EVC: variants seen among roughly 807,000 people sequenced by gnomAD.
EVC encodes EvC ciliary complex subunit 1.
EVC carries 116 observed loss-of-function variants against 118.9 expected under a neutral mutation model. That is an observed-to-expected ratio of 0.98 (90% CI 0.84 to 1.14). The LOEUF (loss-of-function observed/expected upper bound fraction) is 1.14. EVC is among the 50% of genes most tolerant of loss of function. EVC has a pLI of 0.00. For missense variants in EVC, 1,401 were observed against 1,246.4 expected, an observed-to-expected ratio of 1.12 and a Z score of -1.87; for synonymous variants, 619 against 534.7, an observed-to-expected ratio of 1.16 and a Z score of -2.18.
the EVC span, chr4:5,825,682 T>A: frequency 6.2e-7 from 1 of 1,610,646 alleles, no homozygotes; most frequent in Non-Finnish European, 8.5e-7. The surrounding 1 kb of genome is among the most constrained non-coding windows in gnomAD (Gnocchi z 4.4). Flanking sequence ...AGGGAGAGTG[T>A]GATTGATCGA....
intron 11 of EVC, among the ~76,000 whole-genome samples, chr4:5,762,360 A>G (rs566539028): frequency 0.02 from 2,841 of 138,678 alleles, 38 homozygotes; most frequent in Middle Eastern, 0.062. Context: ...CGCAATAAAC[A>G]TACGTGTGCA....
At chr4:5,715,854 C>T (rs1412985376) in intron 1 of EVC, among the ~76,000 whole-genome samples, 8 of 147,688 alleles carry the variant, frequency 5.4e-5, no homozygotes, top group African/African-American at 2.0e-4. Flanking sequence ...AGCAATTCTT[C>T]TGCCTCAGCC....
At chr4:5,802,883 CAGGGGTTGGGGATCCCTGATCT>C (rs1715259976) in intron 16 of EVC, among the ~76,000 whole-genome samples, 1 of 152,126 alleles carries the variant, frequency 6.6e-6, no homozygotes, top group Non-Finnish European at 1.5e-5. Context: ...GTCTGTGGCC[CAGGGGTTGGGGATCCCTGATCT>C]AGGATATCTG....
intron 12 of EVC, 97 bp downstream of exon 12, chr4:5,783,861 A>T (rs764989119): frequency 6.0e-5 from 68 of 1,136,504 alleles, no homozygotes; most frequent in Non-Finnish European, 8.4e-5. Context: ...ACTAGTGCCT[A>T]TTGTAGGTGC....
chr4:5,724,974 G>A (rs1265121177), intron 2 of EVC, among the ~76,000 whole-genome samples: 1 of 152,126 alleles, frequency 6.6e-6, no homozygotes, highest in Non-Finnish European at 1.5e-5. Flanking sequence ...AGAACATGCG[G>A]TGTTTGGTTT....
chr4:5,726,568 C>T (rs202181444), intron 2 of EVC, among the ~76,000 whole-genome samples: 90 of 134,452 alleles, frequency 6.7e-4, no homozygotes, highest in Middle Eastern at 3.9e-3. Context: ...CTTCTCTTTT[C>T]TTTTTTTTTT....
chr4:5,719,288 A>G lies in EVC; in HGVS notation c.215A>G (p.Asn72Ser). 3 of 1,614,226 alleles carry G rather than the reference A, an allele frequency of 1.9e-6. 1 individual carries two copies. In the South Asian group the frequency reaches 3.3e-5, roughly 18 times the overall value. Residue 72 changes from asparagine (N) to serine (S), a missense_variant, in exon 2 of 21, where the codon AAT becomes AGT. Asn to Ser is a conservative substitution (Grantham distance 46). Coordinates refer to ENST00000264956, the MANE Select transcript of EVC (RefSeq NM_153717.3). The surrounding 1 kb of genome is among the most constrained non-coding windows in gnomAD (Gnocchi z 4.7). Reference sequence around the variant, plus strand: ...AATCTGCTCAAGAATTTGGAGTCTAATGCGCAGACCCCCTCGGAAACTGGC... The same window carrying G: ...AATCTGCTCAAGAATTTGGAGTCTAGTGCGCAGACCCCCTCGGAAACTGGC... Reference protein sequence around the residue: ...TQNLLKNLESNAQTPSETGSP... With the variant: ...TQNLLKNLESSAQTPSETGSP...
In EVC at chr4:5,782,458, A is replaced by G. The variant is rs946716209; in HGVS notation, c.1564-1094A>G. ...GCCCAGGCTGGAGTGCAGTGGCGCA[A>G]TCTCGGCTCACAGCAAGCTCCACCT... is the stretch of plus-strand genomic sequence containing the variant. On this transcript the variant is annotated intron_variant, in intron 11 of 20. Coordinates refer to ENST00000264956, the MANE Select transcript of EVC (RefSeq NM_153717.3). 5.2e-5 allele frequency among the ~76,000 whole-genome samples: 6 copies of G among 115,890 alleles called. No individual in the cohort carries two copies. The Admixed American group carries it at 5.8e-4, about 11-fold the overall frequency. The allele number at this position is 115,890 out of a possible 152,430, so 76.0% of individuals were successfully genotyped here.
chr4:5,769,388 A>C (rs746156800), intron 11 of EVC, among the ~76,000 whole-genome samples: 19 of 152,178 alleles, frequency 1.2e-4, no homozygotes, highest in Admixed American at 1.3e-4. Flanking sequence ...GCTACAATTC[A>C]AGATGAGATT....
At chr4:5,736,708 ATTGT>A (rs1477515229) in intron 5 of EVC, among the ~76,000 whole-genome samples, 2 of 152,080 alleles carry the variant, frequency 1.3e-5, no homozygotes, top group Non-Finnish European at 2.9e-5. Flanking sequence ...TATGATTGTA[ATTGT>A]TTGGGGACAC....
At position 5,731,354 on chromosome 4, in the gene EVC, A is replaced by G; in HGVS notation, c.385-71A>G. 2.3e-6 allele frequency: 3 copies of G among 1,277,338 alleles called. No homozygotes were observed. The highest frequency in any genetic ancestry group is 3.4e-5 in the Admixed American group (2 of 59,582). The allele number at this position is 1,277,338 out of a possible 1,614,324, so 79.1% of individuals were successfully genotyped here. On this transcript the variant is annotated intron_variant, in intron 3 of 20. Coordinates refer to ENST00000264956, the MANE Select transcript of EVC (RefSeq NM_153717.3). This position sits in a 1 kb window ranked among gnomAD's most constrained non-coding sequence, Gnocchi z 5.6. ...TGAGCGGCTAGCGTGAATCACTGGT[A>G]GAATTATGAATACTAGATCAAATCC...
At chr4:5,713,116 G>A (rs1325739085) in intron 1 of EVC, among the ~76,000 whole-genome samples, 11 of 152,192 alleles carry the variant, frequency 7.2e-5, no homozygotes, top group Non-Finnish European at 1.6e-4. Context: ...GAGGCTTACC[G>A]GGATTAACCA....
intron 11 of EVC, among the ~76,000 whole-genome samples, chr4:5,765,068 C>A (rs1732663532): frequency 8.6e-6 from 1 of 116,264 alleles, no homozygotes; most frequent in Non-Finnish European, 1.9e-5. Context: ...CTACACACTG[C>A]TTTGAATGCA....
At chr4:5,825,335 C>G in the EVC span, 3 of 985,308 alleles carry the variant, frequency 3.0e-6, no homozygotes, top group Non-Finnish European at 3.6e-6. The surrounding 1 kb of genome is among the most constrained non-coding windows in gnomAD (Gnocchi z 4.4). Flanking sequence ...CCAGCCCACT[C>G]TGCCCCACCA....
intron 12 of EVC, among the ~76,000 whole-genome samples, chr4:5,785,138 C>A (rs1736226609): frequency 6.6e-6 from 1 of 152,174 alleles, no homozygotes. Flanking sequence ...GATACCAGAG[C>A]CGGTTTTGCT....
chr4:5,739,558 C>G (rs1007171546), intron 5 of EVC, among the ~76,000 whole-genome samples: 2 of 152,214 alleles, frequency 1.3e-5, no homozygotes, highest in Non-Finnish European at 2.9e-5. Flanking sequence ...GAGTGATTAA[C>G]AAGCCTTAAT....
At chr4:5,825,305 C>A in the EVC span, 1 of 985,154 alleles carries the variant, frequency 1.0e-6, no homozygotes, top group Non-Finnish European at 1.2e-6. The surrounding 1 kb of genome is among the most constrained non-coding windows in gnomAD (Gnocchi z 4.4). Context: ...ACATGGACCC[C>A]CCTCTGCTTG....
chr4:5,801,435 T>C (rs1027846990), intron 15 of EVC, among the ~76,000 whole-genome samples: 7 of 152,042 alleles, frequency 4.6e-5, no homozygotes, highest in African/African-American at 1.4e-4. Flanking sequence ...TCCAAGTACT[T>C]TGGGAGGCCG....
At position 5,756,228 on chromosome 4, in the gene EVC, T is replaced by C. The variant is rs1300996795; in HGVS notation, c.1465-36T>C. The C allele has an allele frequency of 1.3e-6, 2 of 1,484,404 alleles. No individual in the cohort carries two copies. 92.0% of individuals were successfully genotyped at this position (1,484,404 alleles called of 1,614,324 possible). ...TGGAAAAAAAAAAAAAAACCCTGCA[T>C]GTTTCTACCAGACTCAGCTCTTGTT... On this transcript the variant is annotated intron_variant, in intron 10 of 20. Coordinates refer to ENST00000264956, the MANE Select transcript of EVC (RefSeq NM_153717.3). This position sits in a 1 kb window ranked among gnomAD's most constrained non-coding sequence, Gnocchi z 4.2.
Sources: allele counts gnomAD v4.1 joint callset (sites outside exome capture counted in the v4.1 genomes callset), GRCh38; gene constraint gnomAD v4.1.1; non-coding constraint Gnocchi (gnomAD v3.1); transcripts MANE v1.5; gene names NCBI Gene and HGNC (gene_info 2026-07-23, HGNC 2026-07-21).